BTBD9: variants seen among roughly 807,000 people sequenced by gnomAD.
BTBD9 encodes the protein BTB domain containing 9.
Under a neutral mutation model 64.3 loss-of-function variants are expected in BTBD9, and 49 were observed. The ratio of observed to expected loss-of-function variants is 0.76; its 90% CI spans 0.61 to 0.97. The LOEUF (loss-of-function observed/expected upper bound fraction) is 0.97. Ranked by LOEUF, BTBD9 falls within the 50% of genes least tolerant of loss-of-function variation. The pLI is 0.00. For synonymous variants in BTBD9, 260 were observed against 274.7 expected, an observed-to-expected ratio of 0.95 and a Z score of 0.53; for missense variants, 598 against 762.1, an observed-to-expected ratio of 0.78 and a Z score of 2.53.
chr6:38,222,987 A>T (rs1582074784), intron 9 of BTBD9, among the ~76,000 whole-genome samples: 1 of 151,890 alleles, frequency 6.6e-6, no homozygotes, highest in Non-Finnish European at 1.5e-5. Context: ...GCTCATTGCA[A>T]CCTCCACCTC....
At chr6:38,222,769 TAGAC>T (rs768724503) in intron 9 of BTBD9, among the ~76,000 whole-genome samples, 6 of 152,164 alleles carry the variant, frequency 3.9e-5, no homozygotes, top group Admixed American at 1.3e-4. Context: ...AATGTAAAGA[TAGAC>T]AGACAAACAG....
chr6:38,438,960 T>C (rs9470878), intron 6 of BTBD9, among the ~76,000 whole-genome samples: 11,816 of 152,062 alleles, frequency 0.078, 495 homozygotes, highest in Non-Finnish European at 0.1. Context: ...GGACAGCAAG[T>C]CCTGCAGCAA....
intron 6 of BTBD9, among the ~76,000 whole-genome samples, chr6:38,509,354 T>C (rs1772678787): frequency 6.6e-6 from 1 of 152,208 alleles, no homozygotes; most frequent in South Asian, 2.1e-4. Context: ...AATGTTCTCT[T>C]TGCATCAACT....
intron 6 of BTBD9, among the ~76,000 whole-genome samples, chr6:38,430,534 G>A (rs1768399344): frequency 6.6e-6 from 1 of 150,440 alleles, no homozygotes; most frequent in African/African-American, 2.5e-5. Context: ...ATTTTTTTTT[G>A]AGACAGGGTC....
intron 6 of BTBD9, among the ~76,000 whole-genome samples, chr6:38,529,740 CTT>C: frequency 6.6e-6 from 1 of 152,300 alleles, no homozygotes; most frequent in East Asian, 1.9e-4. Context: ...ATCCTGTTAT[CTT>C]CATAAGCTGA....
intron 9 of BTBD9, chr6:38,207,421 AGAGATC>A (rs1352664625): frequency 5.8e-6 from 1 of 173,092 alleles, no homozygotes; most frequent in Non-Finnish European, 1.2e-5. Flanking sequence ...CAGGAGTTCA[AGAGATC>A]AGCCTGGGGC....
At chr6:38,564,371 G>A (rs942248127) in intron 6 of BTBD9, among the ~76,000 whole-genome samples, 1 of 152,120 alleles carries the variant, frequency 6.6e-6, no homozygotes, top group African/African-American at 2.4e-5. Context: ...CACTCAGTAT[G>A]TTTTTGTTGA....
intron 1 of BTBD9, among the ~76,000 whole-genome samples, 175 bp downstream of exon 1, chr6:38,639,625 G>A (rs958101110): frequency 3.9e-5 from 6 of 152,110 alleles, no homozygotes; most frequent in Non-Finnish European, 7.4e-5. Flanking sequence ...CGCTCTCCCA[G>A]AGCACCCGGG....
At chr6:38,229,978 ACCTTTCTCT>A (rs1763539419) in intron 9 of BTBD9, among the ~76,000 whole-genome samples, 1 of 151,994 alleles carries the variant, frequency 6.6e-6, no homozygotes, top group Non-Finnish European at 1.5e-5. Flanking sequence ...CACTAACAAG[ACCTTTCTCT>A]CCTCTCCCTC....
chr6:38,384,411 TAA>T (rs1766066435), intron 6 of BTBD9, among the ~76,000 whole-genome samples: 1 of 152,206 alleles, frequency 6.6e-6, no homozygotes, highest in East Asian at 1.9e-4. Context: ...CTATCAGATA[TAA>T]ATCCCTTTTT....
chr6:38,175,086 C>A lies in BTBD9; in HGVS notation c.1738G>T (p.Gly580Cys). ...ESGTGDTSLA[G>C]QQLDSHALRA... ...AGCGCATGGGAGTCGAGCTGCTGACCGGCCAGGCTGGTGTCCCCTGTCCCC... is the reference window on the plus strand; with the variant it reads ...AGCGCATGGGAGTCGAGCTGCTGACAGGCCAGGCTGGTGTCCCCTGTCCCC... Residue 580 changes from glycine (G) to cysteine (C), a missense_variant, in exon 11 of 11, where the codon GGT becomes TGT. Physicochemically the swap from Gly to Cys is radical, Grantham distance 159. Transcript: ENST00000481247. 6.2e-7 allele frequency: 1 copy of A among 1,614,236 alleles called. No homozygotes were observed. The highest frequency in any genetic ancestry group is 8.5e-7 in the Non-Finnish European group (1 of 1,180,050).
chr6:38,480,642 C>T (rs1386495670), intron 6 of BTBD9, among the ~76,000 whole-genome samples: 1 of 152,138 alleles, frequency 6.6e-6, no homozygotes, highest in African/African-American at 2.4e-5. Context: ...AGCTATAGAA[C>T]ACGCCAAAAC....
intron 6 of BTBD9, among the ~76,000 whole-genome samples, chr6:38,474,260 G>T (rs935463057): frequency 6.6e-6 from 1 of 152,112 alleles, no homozygotes; most frequent in East Asian, 1.9e-4. Context: ...GTGGTAGCTC[G>T]TAACTGTAAT....
intron 9 of BTBD9, among the ~76,000 whole-genome samples, chr6:38,252,540 T>C (rs1461066875): frequency 6.6e-6 from 1 of 152,238 alleles, no homozygotes. Flanking sequence ...ATTACTACTT[T>C]TGTTCTTCTA....
At chr6:38,399,845 G>A (rs1004390995) in intron 6 of BTBD9, among the ~76,000 whole-genome samples, 5 of 151,982 alleles carry the variant, frequency 3.3e-5, no homozygotes, top group East Asian at 1.9e-4. Context: ...TCCGCCTCCC[G>A]GGTTCAAGCG....
At chr6:38,185,042 C>T (rs577276238) in intron 10 of BTBD9, among the ~76,000 whole-genome samples, 2 of 152,290 alleles carry the variant, frequency 1.3e-5, no homozygotes, top group South Asian at 2.1e-4. Flanking sequence ...GAATAAGGAG[C>T]GGTGAGCCTG....
intron 6 of BTBD9, among the ~76,000 whole-genome samples, chr6:38,391,341 T>C (rs1766403712): frequency 6.6e-6 from 1 of 152,218 alleles, no homozygotes; most frequent in African/African-American, 2.4e-5. Flanking sequence ...CTGGAAAATC[T>C]AGCACATATA....
At chr6:38,183,189 C>T (rs558732055) in intron 10 of BTBD9, among the ~76,000 whole-genome samples, 3 of 152,290 alleles carry the variant, frequency 2.0e-5, no homozygotes, top group South Asian at 4.1e-4. Flanking sequence ...ACCGTGTTAG[C>T]CAGGATGGTC....
At chr6:38,484,974 T>C (rs1771331305) in intron 6 of BTBD9, among the ~76,000 whole-genome samples, 1 of 152,346 alleles carries the variant, frequency 6.6e-6, no homozygotes, top group African/African-American at 2.4e-5. Context: ...ATCTGTAGCA[T>C]ACGATGCTGT....
Sources: allele counts gnomAD v4.1 joint callset (sites outside exome capture counted in the v4.1 genomes callset), GRCh38; gene constraint gnomAD v4.1.1; transcripts MANE v1.5; gene names NCBI Gene and HGNC (gene_info 2026-07-23, HGNC 2026-07-21).